The following ASIC2 variants were observed in gnomAD, a reference collection of about 807,000 sequenced individuals.
ASIC2 encodes the protein acid-sensing ion channel 2.
ASIC2 carries 25 observed loss-of-function variants against 57.3 expected under a neutral mutation model. That is an observed-to-expected ratio of 0.44 (90% confidence interval 0.32 to 0.61). The LOEUF (loss-of-function observed/expected upper bound fraction) is 0.61. Among genes scored for constraint, ASIC2 ranks in the 20% least tolerant of loss-of-function variants. The pLI is 0.06. For missense variants in ASIC2, 641 were observed against 738.1 expected, an observed-to-expected ratio of 0.87 and a Z score of 1.52; for synonymous variants, 319 against 307.5, an observed-to-expected ratio of 1.04 and a Z score of -0.39.
intron 1 of ASIC2, chr17:33,634,998 C>T (rs1157423586): frequency 5.9e-5 from 9 of 152,194 alleles, no homozygotes; most frequent in Admixed American, 5.2e-4. Context: ...GAATTTCACA[C>T]ATTCCAAGTC....
At position 34,067,393 on chromosome 17, in the gene ASIC2, AT is replaced by A. The variant is rs1412440455; in HGVS notation, c.555+88584del. On this transcript the variant is annotated intron_variant, in intron 1 of 9. Transcript: ENST00000359872. ...GAAAGCAAATTTTTTTAAAAATGGA[AT>A]TTTTTTGACCTATCAAACTGACAAA... Among the ~76,000 whole-genome samples, 3 of 152,160 alleles carry A rather than the reference AT, an allele frequency of 2.0e-5. No homozygotes were observed. The East Asian group carries it at 5.8e-4, about 29-fold the overall frequency.
intron 1 of ASIC2, among the ~76,000 whole-genome samples, chr17:33,582,645 A>G (rs2142000525): frequency 6.6e-6 from 1 of 152,336 alleles, no homozygotes; most frequent in East Asian, 1.9e-4. Context: ...GTGGCTTGCC[A>G]TAGTAAATAT....
At chr17:33,585,867 T>A (rs1351838458) in intron 1 of ASIC2, among the ~76,000 whole-genome samples, 2 of 152,232 alleles carry the variant, frequency 1.3e-5, no homozygotes, top group African/African-American at 4.8e-5. Flanking sequence ...GAAAGCTGCT[T>A]CAAATCCTCT....
intron 1 of ASIC2, among the ~76,000 whole-genome samples, chr17:34,153,337 C>G (rs1203056051): frequency 6.6e-6 from 1 of 152,172 alleles, no homozygotes; most frequent in Non-Finnish European, 1.5e-5. Context: ...CTAGATAGAG[C>G]CTCAAAAATA....
chr17:33,653,064 T>A (rs1039963588), intron 1 of ASIC2, among the ~76,000 whole-genome samples: 1 of 152,228 alleles, frequency 6.6e-6, no homozygotes, highest in African/African-American at 2.4e-5. Flanking sequence ...ATAATATATT[T>A]GACCCTCAAG....
At chr17:33,362,399 G>C (rs1422112555) in intron 1 of ASIC2, among the ~76,000 whole-genome samples, 1 of 152,238 alleles carries the variant, frequency 6.6e-6, no homozygotes, top group African/African-American at 2.4e-5. Context: ...TCAGTGCAGA[G>C]AGGAAGACAA....
At chr17:33,520,989 A>G (rs35377955) in intron 1 of ASIC2, among the ~76,000 whole-genome samples, 51,177 of 152,094 alleles carry the variant, frequency 0.34, 9,240 homozygotes, top group Non-Finnish European at 0.4. Context: ...AAGAGAAGGT[A>G]CTGATGTTGG....
At chr17:33,867,193 T>C (rs555966282) in intron 1 of ASIC2, among the ~76,000 whole-genome samples, 5 of 152,196 alleles carry the variant, frequency 3.3e-5, no homozygotes, top group Non-Finnish European at 7.3e-5. Context: ...GAAAATTTTT[T>C]AGATTTTCTG....
rs1907918046 is a variant in ASIC2, at chr17:33,227,313, C to T, written c.708+64095G>A. Among the ~76,000 whole-genome samples, 3 of 152,180 alleles carry T rather than the reference C, an allele frequency of 2.0e-5. No individual in the cohort carries two copies. The South Asian group carries it at 6.2e-4, about 31-fold the overall frequency. On this transcript the variant is annotated intron_variant, in intron 1 of 9. Coordinates refer to ENST00000225823, the MANE Select transcript of ASIC2 (RefSeq NM_183377.2). ...TTTTGCCCCTTCTCCATGTGGCCACCCTGGTATGCCACCTCTTCTTGTCCC... is the reference window on the plus strand; with the variant it reads ...TTTTGCCCCTTCTCCATGTGGCCACTCTGGTATGCCACCTCTTCTTGTCCC...
At chr17:33,648,744 C>G (rs1597820993) in intron 1 of ASIC2, among the ~76,000 whole-genome samples, 1 of 152,234 alleles carries the variant, frequency 6.6e-6, no homozygotes, top group South Asian at 2.1e-4. Flanking sequence ...ATTGTTGATT[C>G]ATCCACATAA....
At chr17:33,169,971 A>C (rs887783071) in intron 1 of ASIC2, among the ~76,000 whole-genome samples, 4 of 152,208 alleles carry the variant, frequency 2.6e-5, no homozygotes, top group African/African-American at 9.6e-5. Context: ...GTGGCCCCCC[A>C]AGATGAGTCC....
chr17:33,931,916 T>A (rs1172361327), intron 1 of ASIC2, among the ~76,000 whole-genome samples: 2 of 152,222 alleles, frequency 1.3e-5, no homozygotes, highest in Non-Finnish European at 2.9e-5. Context: ...CTGATTCCAG[T>A]AGACCTTTAA....
At chr17:33,401,353 G>A (rs1274008121) in intron 1 of ASIC2, among the ~76,000 whole-genome samples, 1 of 152,062 alleles carries the variant, frequency 6.6e-6, no homozygotes, top group Non-Finnish European at 1.5e-5. Context: ...TCATCAATCT[G>A]AACTCCATTC....
chr17:33,293,114 C>T lies in ASIC2; in HGVS notation c.-999G>A. 1.1e-6 allele frequency: 1 copy of T among 875,716 alleles called. No homozygotes were observed. Among genetic ancestry groups the T allele is most frequent in the Non-Finnish European group, 1.4e-6 (1 of 730,038 alleles). The allele number at this position is 875,716 out of a possible 1,614,324, so 54.2% of individuals were successfully genotyped here. A position where few individuals can be genotyped will look rare whatever the true frequency, so the allele number is the denominator to read the frequency against. On this transcript the variant is annotated 5_prime_UTR_variant, in exon 1 of 10. Coordinates refer to ENST00000225823, the MANE Select transcript of ASIC2 (RefSeq NM_183377.2). ...CCGGGGGTGACCCGGACTCGCTGCT[C>T]CGCGCGCCCTTCTCCTCTCGAGACT...
At position 33,868,465 on chromosome 17, in the gene ASIC2, T is replaced by C. The variant is rs916161634; in HGVS notation, c.555+287513A>G. Among the ~76,000 whole-genome samples the C allele has an allele frequency of 1.2e-4, 18 of 150,872 alleles. 1 individual carries two copies. Among genetic ancestry groups the C allele is most frequent in the African/African-American group, 4.4e-4 (18 of 40,958 alleles). On this transcript the variant is annotated intron_variant, in intron 1 of 9. Coordinates refer to the ASIC2 transcript ENST00000359872. ...AAAAGTTTTAATGCAAAATGGATCA[T>C]AGATTTAAAATGTAACAGCTAAAAA...
At chr17:33,538,469 A>AG (rs1915308055) in intron 1 of ASIC2, among the ~76,000 whole-genome samples, 1 of 152,184 alleles carries the variant, frequency 6.6e-6, no homozygotes, top group East Asian at 1.9e-4. Flanking sequence ...TGAGACTTAC[A>AG]GCATGGAGGA....
chr17:33,865,759 T>TAAAAAAAAAAAA (rs61218521), intron 1 of ASIC2, among the ~76,000 whole-genome samples: 25 of 121,906 alleles, frequency 2.1e-4, no homozygotes, highest in Non-Finnish European at 2.9e-4. Flanking sequence ...AAAAAAAAAA[T>TAAAAAAAAAAAA]AAAAAAAAAA....
intron 1 of ASIC2, among the ~76,000 whole-genome samples, chr17:33,791,196 T>C (rs1020383283): frequency 1.2e-4 from 19 of 152,258 alleles, no homozygotes; most frequent in African/African-American, 4.6e-4. Context: ...TCATAGTCAC[T>C]CTGTGTGGAA....
chr17:33,660,192 A>C (rs1039749730), intron 1 of ASIC2, among the ~76,000 whole-genome samples: 3 of 152,122 alleles, frequency 2.0e-5, no homozygotes, highest in African/African-American at 7.2e-5. Flanking sequence ...GTGATGAGTG[A>C]ATGTGAAGGC....
Sources: gnomAD v4.1 joint callset for allele counts (sites outside exome capture counted in the v4.1 genomes callset) on GRCh38, gnomAD v4.1.1 for gene constraint, MANE v1.5 for transcripts, NCBI Gene and HGNC (gene_info 2026-07-23, HGNC 2026-07-21) for gene names.